NOX3: variants seen among roughly 807,000 people sequenced by gnomAD.
NOX3 encodes the protein NADPH oxidase catalytic subunit-like 3.
Under a neutral mutation model 76.7 loss-of-function variants are expected in NOX3, and 74 were observed. The ratio of observed to expected loss-of-function variants is 0.96; its 90% CI spans 0.80 to 1.17. The LOEUF (loss-of-function observed/expected upper bound fraction) is 1.17, where lower values mean the gene tolerates loss of function less well. Ranked by LOEUF, NOX3 falls within the 50% of genes most tolerant of loss-of-function variation. NOX3 has a pLI of 0.00. For missense variants in NOX3, 695 were observed against 703.3 expected, an observed-to-expected ratio of 0.99 and a Z score of 0.13; for synonymous variants, 263 against 261.1, an observed-to-expected ratio of 1.01 and a Z score of -0.07.
intron 4 of NOX3, among the ~76,000 whole-genome samples, chr6:155,450,833 G>T (rs957179866): frequency 1.3e-5 from 2 of 152,154 alleles, no homozygotes; most frequent in Non-Finnish European, 2.9e-5. Flanking sequence ...GCACAGGCAG[G>T]GGGCACATGC....
At chr6:155,441,062 C>T (rs1295627990) in intron 5 of NOX3, among the ~76,000 whole-genome samples, 1 of 152,152 alleles carries the variant, frequency 6.6e-6, no homozygotes, top group African/African-American at 2.4e-5. Context: ...GCTAAACGGC[C>T]AGAATTCTGA....
intron 10 of NOX3, among the ~76,000 whole-genome samples, chr6:155,416,931 A>T: frequency 6.6e-6 from 1 of 151,578 alleles, no homozygotes; most frequent in East Asian, 1.9e-4. Context: ...TTGTATTTTT[A>T]GTAGAGATGG....
intron 3 of NOX3, among the ~76,000 whole-genome samples, chr6:155,454,050 C>T (rs1386617348): frequency 6.6e-6 from 1 of 152,044 alleles, no homozygotes; most frequent in Non-Finnish European, 1.5e-5. Context: ...TGTGCAATAG[C>T]ATTATGTCTA....
intron 4 of NOX3, among the ~76,000 whole-genome samples, chr6:155,444,294 T>C (rs983541675): frequency 2.6e-5 from 4 of 152,244 alleles, no homozygotes; most frequent in African/African-American, 7.2e-5. Context: ...AGTAGCATGA[T>C]GAAATCTCAT....
At chr6:155,452,838 G>A (rs2114711688) in intron 4 of NOX3, among the ~76,000 whole-genome samples, 1 of 152,182 alleles carries the variant, frequency 6.6e-6, no homozygotes, top group Non-Finnish European at 1.5e-5. Flanking sequence ...TTTAACCTTG[G>A]CCTTGGGTGC....
Position 155,439,653 on chromosome 6 carries a change from A to T in NOX3, c.668+303T>A, listed in dbSNP as rs117980914. Among the ~76,000 whole-genome samples the T allele has an allele frequency of 1.6e-4, 24 of 152,344 alleles. No individual in the cohort carries two copies. The East Asian group carries it at 4.6e-3, about 29-fold the overall frequency. The stretch of plus-strand genomic sequence containing the variant: ...TAATCTCACATAAATTGGATGGCAG[A>T]ACAGGTACTGAATGAAACATAGATC... On this transcript the variant is annotated intron_variant, in intron 6 of 13. Coordinates refer to ENST00000159060, the MANE Select transcript of NOX3 (RefSeq NM_015718.3).
intron 10 of NOX3, among the ~76,000 whole-genome samples, chr6:155,415,350 C>T (rs762725066): frequency 3.3e-5 from 5 of 152,252 alleles, no homozygotes; most frequent in Non-Finnish European, 7.3e-5. Flanking sequence ...TGCTTTCAGG[C>T]GATTACATCT....
rs150963737 is a variant in NOX3 at position 155,410,151 on chromosome 6, C to T, written c.1455+1063G>A. ...GTTTCAAGCCTAGTTCCCAAGAAAG[C>T]TACATTTCAAATTATCCCAAAGGAT... is the stretch of plus-strand genomic sequence containing the variant. On this transcript the variant is annotated intron_variant, in intron 11 of 13. Coordinates refer to ENST00000159060, the MANE Select transcript of NOX3 (RefSeq NM_015718.3). Among the ~76,000 whole-genome samples the T allele has an allele frequency of 5.6e-3, 860 of 152,252 alleles. 8 individuals are homozygous for T. Among genetic ancestry groups the T allele is most frequent in the African/African-American group, 0.02 (820 of 41,546 alleles).
Position 155,407,111 on chromosome 6 carries a change from G to A in NOX3, c.1580+19C>T, listed in dbSNP as rs759445109. The A allele has an allele frequency of 6.2e-7, 1 of 1,613,500 alleles. No individual in the cohort carries two copies. Among genetic ancestry groups the A allele is most frequent in the Admixed American group, 1.7e-5 (1 of 59,996 alleles). ...CCAGAGAAGAGCCTGGCAGGGAGAG[G>A]AGCAAGAGCTTGCCTTACCTGGGGT... is the stretch of plus-strand genomic sequence containing the variant. On this transcript the variant is annotated intron_variant, in intron 12 of 13. Transcript: ENST00000159060.
chr6:155,443,230 C>A, intron 5 of NOX3, 43 bp downstream of exon 5: 3 of 1,583,954 alleles, frequency 1.9e-6, no homozygotes, highest in South Asian at 1.1e-5. Flanking sequence ...TGGAAAAGGA[C>A]GGATTTTTCA....
chr6:155,407,719 T>A (rs1281847115), intron 11 of NOX3, among the ~76,000 whole-genome samples: 1 of 152,204 alleles, frequency 6.6e-6, no homozygotes, highest in African/African-American at 2.4e-5. Context: ...AGAAACTGCA[T>A]CTTACAATGA....
chr6:155,435,064 C>G (rs185380353), intron 7 of NOX3, among the ~76,000 whole-genome samples: 5 of 152,060 alleles, frequency 3.3e-5, no homozygotes, highest in Admixed American at 1.3e-4. Flanking sequence ...GAGAGAATAT[C>G]GTACAGTTCA....
chr6:155,396,432 AG>A (rs1358674061), intron 13 of NOX3, among the ~76,000 whole-genome samples: 1 of 152,198 alleles, frequency 6.6e-6, no homozygotes, highest in Non-Finnish European at 1.5e-5. Context: ...GATGTAATGT[AG>A]GGAATGGAAA....
chr6:155,445,052 T>C (rs1327451714), intron 4 of NOX3, among the ~76,000 whole-genome samples: 1 of 152,218 alleles, frequency 6.6e-6, no homozygotes, highest in Non-Finnish European at 1.5e-5. Flanking sequence ...CCCAGCATCG[T>C]CTGGCCTGAG....
intron 10 of NOX3, among the ~76,000 whole-genome samples, chr6:155,415,683 G>C (rs956376763): frequency 6.6e-6 from 1 of 152,198 alleles, no homozygotes; most frequent in South Asian, 2.1e-4. Flanking sequence ...CTGGGCAAAA[G>C]TTATTTAACT....
intron 12 of NOX3, among the ~76,000 whole-genome samples, chr6:155,404,091 C>T (rs6916110): frequency 0.023 from 3,481 of 148,296 alleles, 85 homozygotes; most frequent in African/African-American, 0.06. Flanking sequence ...GAAAACCGAA[C>T]GTAAAACATT....
chr6:155,398,551 T>C (rs1779171247), intron 12 of NOX3, among the ~76,000 whole-genome samples: 1 of 152,240 alleles, frequency 6.6e-6, no homozygotes, highest in African/African-American at 2.4e-5. Context: ...AACTTATCAA[T>C]GGCTTAATTT....
chr6:155,432,460 C>T (rs1776846933), intron 7 of NOX3, among the ~76,000 whole-genome samples: 1 of 152,084 alleles, frequency 6.6e-6, no homozygotes, highest in Admixed American at 6.5e-5. Flanking sequence ...AGACATTCAC[C>T]ACCCCTCCCC....
intron 12 of NOX3, among the ~76,000 whole-genome samples, chr6:155,405,685 T>C (rs1202918634): frequency 6.6e-6 from 1 of 152,210 alleles, no homozygotes; most frequent in African/African-American, 2.4e-5. Context: ...TTGAATAGCT[T>C]GGGTCACACC....
Sources: allele counts gnomAD v4.1 joint callset (sites outside exome capture counted in the v4.1 genomes callset), GRCh38; gene constraint gnomAD v4.1.1; transcripts MANE v1.5; gene names NCBI Gene and HGNC (gene_info 2026-07-23, HGNC 2026-07-21).